ZNF480: variants seen among roughly 807,000 people sequenced by gnomAD.
The protein encoded by ZNF480 is zinc finger protein 480.
ZNF480 carries 15 observed loss-of-function variants against 14.4 expected under a neutral mutation model. The observed-to-expected ratio is 1.04, with a 90% CI of 0.70 to 1.60. The LOEUF (loss-of-function observed/expected upper bound fraction) is 1.60, where lower values mean the gene tolerates loss of function less well. Among genes scored for constraint, ZNF480 ranks in the 40% most tolerant of loss-of-function variants. The pLI is 0.00. For missense variants in ZNF480, 593 were observed against 629.7 expected (o/e 0.94, Z 0.62); for synonymous variants, 218 against 215.5 (o/e 1.01, Z -0.10).
chr19:52,300,617 C>G (rs1982644656), intron 2 of ZNF480, 133 bp downstream of exon 2: 1 of 1,491,540 alleles, frequency 6.7e-7, no homozygotes, highest in African/African-American at 1.4e-5. Context: ...TGCCTTCCCT[C>G]AGTGCCGAGA....
At chr19:52,311,572 C>G (rs1253101558) in intron 2 of ZNF480, among the ~76,000 whole-genome samples, 1 of 152,104 alleles carries the variant, frequency 6.6e-6, no homozygotes, top group Non-Finnish European at 1.5e-5. Context: ...GCTTAATATA[C>G]AGCAATGTTT....
chr19:52,297,187 A>C lies in ZNF480; in HGVS notation c.-56A>C, dbSNP rs1374574349. ...CGCGCGCAGTTTCCCACAAACCCGG[A>C]AGCGGATCGCGTGGAGTGAAGGTCA... On this transcript the variant is annotated 5_prime_UTR_variant, in exon 1 of 5. Coordinates refer to ENST00000595962, the MANE Select transcript of ZNF480 (RefSeq NM_144684.4). The C allele has an allele frequency of 4.6e-6, 2 of 432,108 alleles. No individual in the cohort carries two copies. Among genetic ancestry groups the C allele is most frequent in the Non-Finnish European group, 9.2e-6 (2 of 217,424 alleles). 26.8% of individuals were successfully genotyped at this position (432,108 alleles called of 1,614,324 possible).
At chr19:52,298,567 G>T (rs925089219) in intron 1 of ZNF480, among the ~76,000 whole-genome samples, 8 of 151,914 alleles carry the variant, frequency 5.3e-5, no homozygotes, top group African/African-American at 1.5e-4. Flanking sequence ...GGAGGCGGAG[G>T]TTGCAGTGAG....
In ZNF480 at chr19:52,325,366, G is replaced by T. The variant is rs759271987; in HGVS notation, c.*2508G>T. On this transcript the variant is annotated 3_prime_UTR_variant, in exon 5 of 5. Coordinates refer to ENST00000595962, the MANE Select transcript of ZNF480 (RefSeq NM_144684.4). ...CAGCCATTGTGGAAAGCACTGCAGC[G>T]ATTTCTCAAAGACATAAAAGAACAT... 1 of 152,172 alleles carries T rather than the reference G, an allele frequency of 6.6e-6. No individual in the cohort carries two copies. The highest frequency in any genetic ancestry group is 2.4e-5 in the African/African-American group (1 of 41,446). The allele number at this position is 152,172 out of a possible 1,614,324, so 9.4% of individuals were successfully genotyped here. A position where few individuals can be genotyped will look rare whatever the true frequency, so the allele number is the denominator to read the frequency against.
chr19:52,305,311 C>T (rs1207280439), intron 2 of ZNF480, among the ~76,000 whole-genome samples: 2 of 152,122 alleles, frequency 1.3e-5, no homozygotes, highest in African/African-American at 4.8e-5. Flanking sequence ...ATCTACCAAT[C>T]CTTTAAATTT....
intron 2 of ZNF480, among the ~76,000 whole-genome samples, chr19:52,305,367 T>C (rs1982881054): frequency 6.6e-6 from 1 of 152,192 alleles, no homozygotes; most frequent in Non-Finnish European, 1.5e-5. Context: ...ATTAGTAATT[T>C]GATTCACCCA....
intron 1 of ZNF480, 149 bp from the exon 2 acceptor site, chr19:52,300,245 A>G (rs1428588738): frequency 1.2e-6 from 1 of 822,724 alleles, no homozygotes. Flanking sequence ...TTCTTCCTGT[A>G]GGAGTTTCTT....
At chr19:52,313,972 C>G (rs1277926904) in intron 2 of ZNF480, 181 bp from the exon 3 acceptor site, 13 of 559,050 alleles carry the variant, frequency 2.3e-5, no homozygotes, top group African/African-American at 8.0e-5. Context: ...GAGTAAGACT[C>G]TGTCTCAAAA....
rs777648657 is a variant in ZNF480, at chr19:52,321,762, C to T, written c.512C>T (p.Ser171Phe). ...TCTGTTTCCTGTCTTCAAGAAATGTCTTCCAGTGTCAAAACCCCCATTTTT... is the reference window on the plus strand; with the variant it reads ...TCTGTTTCCTGTCTTCAAGAAATGTTTTCCAGTGTCAAAACCCCCATTTTT... Reference protein sequence around the residue: ...SSSVSCLQEMSSSVKTPIFNR... With the variant: ...SSSVSCLQEMFSSVKTPIFNR... Residue 171 changes from serine to phenylalanine, a missense_variant, in exon 5 of 5, where the codon TCT becomes TTT. Transcript: ENST00000595962. 13 of 1,613,594 alleles carry T rather than the reference C, an allele frequency of 8.1e-6. No homozygotes were observed. In the African/African-American group the frequency reaches 1.6e-4, roughly 20 times the overall value.
chr19:52,310,830 C>A (rs866311796), intron 2 of ZNF480, among the ~76,000 whole-genome samples: 4 of 150,728 alleles, frequency 2.7e-5, no homozygotes, highest in African/African-American at 9.8e-5. Context: ...GAAACCCTGT[C>A]TCTACTAAAA....
intron 4 of ZNF480, among the ~76,000 whole-genome samples, chr19:52,318,128 G>A (rs1330163667): frequency 6.6e-6 from 1 of 151,396 alleles, no homozygotes; most frequent in Non-Finnish European, 1.5e-5. Context: ...TATTTTTTGA[G>A]ACGGAGTCTT....
At position 52,324,188 on chromosome 19, in the gene ZNF480, C is replaced by T. The variant is rs1983985401; in HGVS notation, c.*1330C>T. The T allele has an allele frequency of 6.6e-6, 1 of 152,144 alleles. No individual in the cohort carries two copies. Among genetic ancestry groups the T allele is most frequent in the South Asian group, 2.1e-4 (1 of 4,836 alleles). The allele number at this position is 152,144 out of a possible 1,614,324, so 9.4% of individuals were successfully genotyped here. A position where few individuals can be genotyped will look rare whatever the true frequency, so the allele number is the denominator to read the frequency against. On this transcript the variant is annotated 3_prime_UTR_variant, in exon 5 of 5. Transcript: ENST00000595962. ...ATGAACCAAATCAAGAATGGAATCC[C>T]ATTCACAGTAGCCACAAAAAGTATA...
chr19:52,322,302 C>A lies in ZNF480; in HGVS notation c.1052C>A (p.Ala351Asp). 6.2e-7 allele frequency: 1 copy of A among 1,612,774 alleles called. No homozygotes were observed. The highest frequency in any genetic ancestry group is 8.5e-7 in the Non-Finnish European group (1 of 1,179,708). ...KPYKCDECGKAFYRIALLVRH... is the reference protein window; with the variant it reads ...KPYKCDECGKDFYRIALLVRH... The stretch of plus-strand genomic sequence containing the variant: ...TACAAATGTGATGAATGTGGCAAGG[C>A]CTTCTATAGGATTGCGCTCCTTGTA... Residue 351 changes from alanine to aspartate, a missense_variant, in exon 5 of 5, where the codon GCC (alanine) becomes GAC (aspartate). Physicochemically the swap from Ala to Asp is moderately radical, Grantham distance 126. Transcript: ENST00000595962.
intron 2 of ZNF480, chr19:52,313,814 A>G (rs1191002855): frequency 4.5e-6 from 2 of 442,504 alleles, no homozygotes. Flanking sequence ...TTCCATCTCT[A>G]CTGAAAATAC....
chr19:52,317,685 C>G (rs1020731223), intron 4 of ZNF480, among the ~76,000 whole-genome samples: 8 of 152,076 alleles, frequency 5.3e-5, no homozygotes, highest in Non-Finnish European at 1.0e-4. Context: ...TCTTTTTTAT[C>G]TTTATACCCA....
At chr19:52,317,164 C>G (rs1983598516) in intron 4 of ZNF480, among the ~76,000 whole-genome samples, 1 of 150,916 alleles carries the variant, frequency 6.6e-6, no homozygotes, top group South Asian at 2.1e-4. Context: ...ACTACAGGTG[C>G]ACACCACCAT....
At chr19:52,299,851 G>A (rs927615879) in intron 1 of ZNF480, among the ~76,000 whole-genome samples, 5 of 152,064 alleles carry the variant, frequency 3.3e-5, no homozygotes, top group South Asian at 2.1e-4. Context: ...GTGCCACCAC[G>A]CCCAGCTAAT....
chr19:52,318,549 T>C (rs1230627048), intron 4 of ZNF480, among the ~76,000 whole-genome samples: 1 of 152,218 alleles, frequency 6.6e-6, no homozygotes, highest in African/African-American at 2.4e-5. Flanking sequence ...GCATCGTGTG[T>C]ATATTTACCT....
intron 4 of ZNF480, among the ~76,000 whole-genome samples, chr19:52,318,300 G>T (rs1439837739): frequency 6.6e-6 from 1 of 151,900 alleles, no homozygotes; most frequent in African/African-American, 2.4e-5. Flanking sequence ...TAGAGATGGG[G>T]TTTCACTATG....
Sources: gnomAD v4.1 joint callset for allele counts (sites outside exome capture counted in the v4.1 genomes callset) on GRCh38, gnomAD v4.1.1 for gene constraint, MANE v1.5 for transcripts, NCBI Gene and HGNC (gene_info 2026-07-23, HGNC 2026-07-21) for gene names.